Variants in FBXO44 observed in about 807,000 individuals in gnomAD.
The protein encoded by FBXO44 is F-box only protein 44.
FBXO44 carries 25 observed loss-of-function variants against 33.5 expected under a neutral mutation model. The observed-to-expected ratio is 0.75, with a 90% CI of 0.54 to 1.04. The LOEUF (loss-of-function observed/expected upper bound fraction) is 1.04, where lower values mean the gene tolerates loss of function less well. Among genes scored for constraint, FBXO44 ranks in the 50% least tolerant of loss-of-function variants. The pLI, the probability that FBXO44 is intolerant of heterozygous loss-of-function variation, is 0.00. For synonymous variants in FBXO44, 147 were observed against 152.8 expected, an observed-to-expected ratio of 0.96 and a Z score of 0.28; for missense variants, 311 against 344.0, an observed-to-expected ratio of 0.90 and a Z score of 0.76.
chr1:11,661,558 T>C lies in FBXO44; in HGVS notation c.*285T>C. On this transcript the variant is annotated 3_prime_UTR_variant, in exon 6 of 6. Coordinates refer to ENST00000251547, the MANE Select transcript of FBXO44 (RefSeq NM_033182.7). The surrounding 1 kb of genome is among the most constrained non-coding windows in gnomAD (Gnocchi z 4.4). ...ATGTGGGAGGTGCAGCATGTTCCCC[T>C]GGGCCCCTCAGAAAGTCGAGCTTGG... is the stretch of plus-strand genomic sequence containing the variant. 1 of 431,446 alleles carries C rather than the reference T, an allele frequency of 2.3e-6. No individual in the cohort carries two copies. Among genetic ancestry groups the C allele is most frequent in the Non-Finnish European group, 4.1e-6 (1 of 242,712 alleles). The allele number at this position is 431,446 out of a possible 1,614,324, so 26.7% of individuals were successfully genotyped here.
At position 11,656,612 on chromosome 1, in the gene FBXO44, C is replaced by A. The variant is rs560218620; in HGVS notation, c.265+512C>A. Among the ~76,000 whole-genome samples, 16 of 141,302 alleles carry A rather than the reference C, an allele frequency of 1.1e-4. No homozygotes were observed. In the East Asian group the frequency reaches 3.1e-3, roughly 27 times the overall value. 92.7% of individuals were successfully genotyped at this position (141,302 alleles called of 152,430 possible). A position where few individuals can be genotyped will look rare whatever the true frequency, so the allele number is the denominator to read the frequency against. The stretch of plus-strand genomic sequence containing the variant: ...GAGTAGCTGGGATTACCGGTGCCCG[C>A]CACCACGCCCAGCTAATTTTTTGTA... On this transcript the variant is annotated intron_variant, in intron 2 of 5. Transcript: ENST00000251547.
rs372738549 is a variant in FBXO44 at position 11,657,918 on chromosome 1, A to G, written c.266-349A>G. ...ACTCCAGTTTACAGAGGAGACGACCAAGGGTCAGAGAGGAAAAGCAACTGG... is the reference window on the plus strand; with the variant it reads ...ACTCCAGTTTACAGAGGAGACGACCGAGGGTCAGAGAGGAAAAGCAACTGG... On this transcript the variant is annotated intron_variant, in intron 2 of 5. Transcript: ENST00000251547. 1.6e-4 allele frequency among the ~76,000 whole-genome samples: 25 copies of G among 152,082 alleles called. No individual in the cohort carries two copies. The East Asian group carries it at 1.8e-3, about 11-fold the overall frequency.
chr1:11,655,740 G>A (rs1283979355), intron 1 of FBXO44, 66 bp from the exon 2 acceptor site: 10 of 1,523,478 alleles, frequency 6.6e-6, no homozygotes, highest in African/African-American at 2.7e-5. Flanking sequence ...GGCTGGGAGA[G>A]GCACCATGCT....
In FBXO44 at chr1:11,658,779, G is replaced by T; in HGVS notation, c.532G>T (p.Val178Phe). The T allele has an allele frequency of 6.2e-7, 1 of 1,613,992 alleles. No individual in the cohort carries two copies. The highest frequency in any genetic ancestry group is 1.3e-5 in the African/African-American group (1 of 75,048). ...TTGCGGGTCCAAGTACCAGCTGTGC[G>T]TTCAGCTCCTGTCGTCCGCGCACGC... ...PDCGSKYQLC[V>F]QLLSSAHAPL... Residue 178 changes from valine (V) to phenylalanine (F), a missense_variant, in exon 5 of 6, where the codon GTT becomes TTT. Physicochemically the swap from Val to Phe is conservative, Grantham distance 50. Coordinates refer to ENST00000251547, the MANE Select transcript of FBXO44 (RefSeq NM_033182.7).
Position 11,654,913 on chromosome 1 carries a change from T to C in FBXO44, c.-70T>C, listed in dbSNP as rs1639661674. On this transcript the variant is annotated 5_prime_UTR_variant, in exon 1 of 6. Coordinates refer to ENST00000251547, the MANE Select transcript of FBXO44 (RefSeq NM_033182.7). Reference sequence around the variant, plus strand: ...AAGCGCAGGTCCAGGCGGTGCAGCTTGGGCGGCCCAACGGATCGTGCCGCG... The same window carrying C: ...AAGCGCAGGTCCAGGCGGTGCAGCTCGGGCGGCCCAACGGATCGTGCCGCG... The C allele has an allele frequency of 8.3e-6, 1 of 121,058 alleles. No individual in the cohort carries two copies. The allele number at this position is 121,058 out of a possible 1,614,324, so 7.5% of individuals were successfully genotyped here.
upstream of FBXO44, chr1:11,654,693 G>T (rs1237053436): frequency 2.1e-5 from 5 of 242,536 alleles, no homozygotes; most frequent in Non-Finnish European, 3.9e-5. Flanking sequence ...GGAGAGGCTG[G>T]GTCAGGCCGA....
In FBXO44 at chr1:11,661,131, T is replaced by G; in HGVS notation, c.626T>G (p.Val209Gly). 1 of 1,610,088 alleles carries G rather than the reference T, an allele frequency of 6.2e-7. No individual in the cohort carries two copies. The highest frequency in any genetic ancestry group is 8.5e-7 in the Non-Finnish European group (1 of 1,176,960). The change falls in exon 6 of 6, where the codon GTC (valine) becomes GGC (glycine). Residue 209 changes from valine to glycine, a missense_variant and splice_region_variant. Coordinates refer to ENST00000251547, the MANE Select transcript of FBXO44 (RefSeq NM_033182.7). This position sits in a 1 kb window ranked among gnomAD's most constrained non-coding sequence, Gnocchi z 4.4. ...QQKSDAKWREVSHTFSNYPPG... is the reference protein window; with the variant it reads ...QQKSDAKWREGSHTFSNYPPG... ...TCCCCCCTCTACCTGCCCTGCCAGG[T>G]CTCCCACACATTCTCCAACTACCCG...
At chr1:11,654,826 G>GGCGGGGC (rs554807702), upstream of FBXO44, 102,284 of 144,248 alleles carry the variant, frequency 0.71, 36,589 homozygotes, top group Admixed American at 0.79. Flanking sequence ...CGCTGCGCGG[G>GGCGGGGC]GCGGGGCGCG....
intron 2 of FBXO44, 80 bp from the exon 3 acceptor site, chr1:11,658,187 G>A: frequency 6.2e-7 from 1 of 1,601,046 alleles, no homozygotes; most frequent in Non-Finnish European, 8.5e-7. Context: ...TGCAGGCAGA[G>A]GAGTGGGGAG....
Position 11,661,462 on chromosome 1 carries a change from C to G in FBXO44, c.*189C>G, listed in dbSNP as rs1208255119. 9 of 803,530 alleles carry G rather than the reference C, an allele frequency of 1.1e-5. No individual in the cohort carries two copies. Among genetic ancestry groups the G allele is most frequent in the Non-Finnish European group, 1.7e-5 (9 of 526,522 alleles). The allele number at this position is 803,530 out of a possible 1,614,324, so 49.8% of individuals were successfully genotyped here. A position where few individuals can be genotyped will look rare whatever the true frequency, so the allele number is the denominator to read the frequency against. ...CATGCTGGGGTCGGGCCAGCTCTCC[C>G]CGAAAGGTCTTGACCTGAATGATGG... On this transcript the variant is annotated 3_prime_UTR_variant, in exon 6 of 6. Transcript: ENST00000251547. The surrounding 1 kb of genome is among the most constrained non-coding windows in gnomAD (Gnocchi z 4.4).
chr1:11,656,187 C>T, intron 2 of FBXO44, 87 bp downstream of exon 2: 1 of 1,538,972 alleles, frequency 6.5e-7, no homozygotes, highest in Non-Finnish European at 8.8e-7. Context: ...GAGCCGGGTA[C>T]TTTGGATGGT....
intron 2 of FBXO44, 50 bp from the exon 3 acceptor site, chr1:11,658,217 G>A: frequency 6.2e-7 from 1 of 1,607,720 alleles, no homozygotes; most frequent in Non-Finnish European, 8.5e-7. Flanking sequence ...TTTGGGAGAA[G>A]GCGGCCACTG....
At position 11,656,057 on chromosome 1, in the gene FBXO44, A is replaced by G; in HGVS notation, c.222A>G (p.Leu74=). The change falls in exon 2 of 6, where the codon TTA becomes TTG. Residue 74 remains leucine, a synonymous_variant. Transcript: ENST00000251547. ...PVADWKIFYF[L]RSLHRNLLHN... ...CCGACTGGAAGATCTTCTACTTCTTACGGAGCCTGCACAGGAACCTCCTGC... is the reference window on the plus strand; with the variant it reads ...CCGACTGGAAGATCTTCTACTTCTTGCGGAGCCTGCACAGGAACCTCCTGC... The G allele has an allele frequency of 6.2e-7, 1 of 1,614,100 alleles. No individual in the cohort carries two copies. Among genetic ancestry groups the G allele is most frequent in the East Asian group, 2.2e-5 (1 of 44,878 alleles).
Position 11,661,147 on chromosome 1 carries a change from C to T in FBXO44, c.642C>T (p.Ser214=), listed in dbSNP as rs763336781. The change falls in exon 6 of 6, where the codon TCC becomes TCT. Residue 214 remains serine, a synonymous_variant. Transcript: ENST00000251547. The surrounding 1 kb of genome is among the most constrained non-coding windows in gnomAD (Gnocchi z 4.4). ...CCTGCCAGGTCTCCCACACATTCTC[C>T]AACTACCCGCCCGGCGTCCGCTACA... is the stretch of plus-strand genomic sequence containing the variant. ...AKWREVSHTF[S]NYPPGVRYIW... is the part of the protein sequence containing the mutation. 1 of 1,613,406 alleles carries T rather than the reference C, an allele frequency of 6.2e-7. No homozygotes were observed. The highest frequency in any genetic ancestry group is 8.5e-7 in the Non-Finnish European group (1 of 1,179,496).
At position 11,658,617 on chromosome 1, in the gene FBXO44, G is replaced by C; in HGVS notation, c.477G>C (p.Glu159Asp). ...ELMDTTRPDI[E>D]VKDWFAARPD... ...TGGATACCACACGGCCGGACATCGA[G>C]GTCAAGGACTGGTGAGTGCCTGGGG... Residue 159 changes from glutamate to aspartate, a missense_variant, in exon 4 of 6, where the codon GAG becomes GAC. Transcript: ENST00000251547. The C allele has an allele frequency of 3.7e-6, 6 of 1,613,626 alleles. No individual in the cohort carries two copies. The highest frequency in any genetic ancestry group is 5.1e-6 in the Non-Finnish European group (6 of 1,179,988).
chr1:11,661,076 C>A lies in FBXO44; in HGVS notation c.625-54C>A, dbSNP rs562145115. 6.7e-4 allele frequency: 1,045 copies of A among 1,553,236 alleles called. 19 individuals are homozygous for A. The South Asian group carries it at 0.012, about 17-fold the overall frequency. On this transcript the variant is annotated intron_variant, in intron 5 of 5. Transcript: ENST00000251547. This position sits in a 1 kb window ranked among gnomAD's most constrained non-coding sequence, Gnocchi z 4.4. ...GGGATTCCCGGTGTGAGCCGCCACA[C>A]CCAGCCTGAGTCAGCTCCCTTGACC...
chr1:11,659,021 A>G (rs1033776951), intron 5 of FBXO44, 150 bp downstream of exon 5: 1 of 1,081,350 alleles, frequency 9.2e-7, no homozygotes, highest in Non-Finnish European at 1.3e-6. Flanking sequence ...TAAAATGGGT[A>G]TATAGTGTTT....
At chr1:11,658,905 A>C in intron 5 of FBXO44, 34 bp downstream of exon 5, 1 of 1,599,862 alleles carries the variant, frequency 6.3e-7, no homozygotes. Context: ...GCAGAGGCAG[A>C]TCGTCCAAGG....
At chr1:11,655,755 C>A in intron 1 of FBXO44, 51 bp from the exon 2 acceptor site, 2 of 1,565,154 alleles carry the variant, frequency 1.3e-6, no homozygotes, top group Non-Finnish European at 1.7e-6. Context: ...CATGCTCTCC[C>A]GAGATAAATG....
Sources: allele counts gnomAD v4.1 joint callset (sites outside exome capture counted in the v4.1 genomes callset), GRCh38; gene constraint gnomAD v4.1.1; non-coding constraint Gnocchi (gnomAD v3.1); transcripts MANE v1.5; gene names NCBI Gene and HGNC (gene_info 2026-07-23, HGNC 2026-07-21).